ARHGAP15: variants seen among roughly 807,000 people sequenced by gnomAD.
ARHGAP15 encodes the protein Rho GTPase activating protein 15.
Under a neutral mutation model 63.7 loss-of-function variants are expected in ARHGAP15, and 51 were observed. That is an observed-to-expected ratio of 0.80 (90% CI 0.64 to 1.01). The LOEUF (loss-of-function observed/expected upper bound fraction) is 1.01, where lower values mean the gene tolerates loss of function less well. ARHGAP15 is among the 50% of genes least tolerant of loss of function. The pLI is 0.00. For missense variants in ARHGAP15, 560 were observed against 564.6 expected (o/e 0.99, Z 0.08); for synonymous variants, 191 against 193.8 (o/e 0.99, Z 0.12).
Position 143,252,285 on chromosome 2 carries a change from A to G in ARHGAP15, c.474+1685A>G, listed in dbSNP as rs180734160. Among the ~76,000 whole-genome samples the G allele has an allele frequency of 1.0e-3, 152 of 152,164 alleles. 1 individual carries two copies. Among genetic ancestry groups the G allele is most frequent in the Admixed American group, 9.8e-3 (150 of 15,274 alleles). On this transcript the variant is annotated intron_variant, in intron 6 of 13. Coordinates refer to ENST00000295095, the MANE Select transcript of ARHGAP15 (RefSeq NM_018460.4). ...ATTTTTATATAACTATGAACATTAT[A>G]TGCACAGATAGACATTTCAGCCACC...
At chr2:143,150,533 A>G (rs1463186376) in intron 1 of ARHGAP15, among the ~76,000 whole-genome samples, 7 of 152,138 alleles carry the variant, frequency 4.6e-5, no homozygotes, top group Admixed American at 2.0e-4. Context: ...CAATATCACA[A>G]GGTATTCTTG....
At position 143,652,629 on chromosome 2, in the gene ARHGAP15, T is replaced by G. The variant is rs1356286154; in HGVS notation, c.1138+28362T>G. Among the ~76,000 whole-genome samples, 3 of 152,104 alleles carry G rather than the reference T, an allele frequency of 2.0e-5. No individual in the cohort carries two copies. The East Asian group carries it at 5.8e-4, about 29-fold the overall frequency. ...TTTTTCACAACAGTGTTTTACAATT[T>G]TACACATACCTTTGGTCATATTTAT... is the stretch of plus-strand genomic sequence containing the variant. On this transcript the variant is annotated intron_variant, in intron 12 of 13. Transcript: ENST00000295095.
intron 12 of ARHGAP15, among the ~76,000 whole-genome samples, chr2:143,671,799 A>G (rs1682540513): frequency 6.6e-6 from 1 of 152,212 alleles, no homozygotes; most frequent in South Asian, 2.1e-4. Flanking sequence ...ACTGTCTCCT[A>G]ACACATTATT....
At chr2:143,323,668 G>A (rs368710292) in intron 6 of ARHGAP15, among the ~76,000 whole-genome samples, 6 of 151,974 alleles carry the variant, frequency 3.9e-5, no homozygotes, top group East Asian at 1.9e-4. Flanking sequence ...AGGCTGAGGC[G>A]GGTGGATCAT....
chr2:143,339,149 A>T (rs1684940664), intron 6 of ARHGAP15, among the ~76,000 whole-genome samples: 1 of 152,142 alleles, frequency 6.6e-6, no homozygotes, highest in Admixed American at 6.6e-5. Context: ...ATTAAAGAGC[A>T]GGAAAGGGCC....
intron 13 of ARHGAP15, among the ~76,000 whole-genome samples, chr2:143,722,265 G>A (rs1425251624): frequency 6.6e-6 from 1 of 151,878 alleles, no homozygotes; most frequent in Admixed American, 6.6e-5. Flanking sequence ...TAGACATGCT[G>A]CAAACATGTT....
intron 12 of ARHGAP15, among the ~76,000 whole-genome samples, chr2:143,632,612 C>T (rs1479830163): frequency 6.6e-6 from 1 of 152,110 alleles, no homozygotes; most frequent in African/African-American, 2.4e-5. Flanking sequence ...AGAGATTATC[C>T]TGTGCCTAAA....
intron 3 of ARHGAP15, among the ~76,000 whole-genome samples, chr2:143,215,311 G>T (rs35028264): frequency 0.17 from 26,343 of 152,030 alleles, 2,491 homozygotes; most frequent in Middle Eastern, 0.26. Context: ...TTGCTATTCT[G>T]CCCAGGCTGG....
chr2:143,462,516 A>G (rs890637980), intron 8 of ARHGAP15, among the ~76,000 whole-genome samples: 1 of 152,194 alleles, frequency 6.6e-6, no homozygotes, highest in Non-Finnish European at 1.5e-5. Flanking sequence ...ACATCTATTC[A>G]TTCAATAAGT....
intron 12 of ARHGAP15, among the ~76,000 whole-genome samples, chr2:143,625,492 T>TGC (rs1553514396): frequency 5.8e-4 from 84 of 144,394 alleles, no homozygotes; most frequent in Non-Finnish European, 1.0e-3. Context: ...GCTGCTGCTG[T>TGC]TGTTGAATGC....
chr2:143,268,710 T>C (rs1201445790), intron 6 of ARHGAP15, among the ~76,000 whole-genome samples: 1 of 152,150 alleles, frequency 6.6e-6, no homozygotes, highest in African/African-American at 2.4e-5. Context: ...GTTAGATCTA[T>C]GTATGAATAT....
chr2:143,586,907 C>CTCTCTCTT (rs1286679973), intron 11 of ARHGAP15, among the ~76,000 whole-genome samples: 1 of 151,998 alleles, frequency 6.6e-6, no homozygotes, highest in Non-Finnish European at 1.5e-5. Context: ...CAATCTCTCT[C>CTCTCTCTT]TCTCTCTTTC....
intron 8 of ARHGAP15, among the ~76,000 whole-genome samples, chr2:143,457,489 T>C (rs1024518985): frequency 6.6e-6 from 1 of 151,786 alleles, no homozygotes; most frequent in Non-Finnish European, 1.5e-5. Context: ...ATTATGCCAC[T>C]GCACTCCAGC....
chr2:143,329,681 T>A (rs189485485), intron 6 of ARHGAP15, among the ~76,000 whole-genome samples: 1 of 152,266 alleles, frequency 6.6e-6, no homozygotes, highest in African/African-American at 2.4e-5. Flanking sequence ...CACAGACAAC[T>A]AGTACGTAAA....
intron 1 of ARHGAP15, among the ~76,000 whole-genome samples, 177 bp from the exon 2 acceptor site, chr2:143,155,300 G>T (rs755707300): frequency 6.6e-6 from 1 of 151,832 alleles, no homozygotes; most frequent in Admixed American, 6.6e-5. Context: ...CACATGTAAA[G>T]GTCCCAACTG....
At chr2:143,490,234 C>T (rs1282772489) in intron 9 of ARHGAP15, among the ~76,000 whole-genome samples, 1 of 152,108 alleles carries the variant, frequency 6.6e-6, no homozygotes, top group African/African-American at 2.4e-5. Context: ...CTCCTGACCT[C>T]GTGATCCACC....
intron 12 of ARHGAP15, among the ~76,000 whole-genome samples, chr2:143,695,694 C>G (rs1236741174): frequency 1.3e-5 from 2 of 151,832 alleles, no homozygotes. Context: ...ACGGTGAAAC[C>G]CCACCTCTAC....
chr2:143,213,766 C>T (rs1348526694), intron 3 of ARHGAP15, among the ~76,000 whole-genome samples: 1 of 152,218 alleles, frequency 6.6e-6, no homozygotes, highest in African/African-American at 2.4e-5. Context: ...ACTTGCTATT[C>T]AGTCCGTCCT....
chr2:143,135,866 G>T (rs769765512), intron 1 of ARHGAP15, among the ~76,000 whole-genome samples: 1 of 151,924 alleles, frequency 6.6e-6, no homozygotes, highest in Non-Finnish European at 1.5e-5. Context: ...ATTCCTTTGC[G>T]GTTTTATTTA....
Sources: gnomAD v4.1 joint callset for allele counts (sites outside exome capture counted in the v4.1 genomes callset) on GRCh38, gnomAD v4.1.1 for gene constraint, MANE v1.5 for transcripts, NCBI Gene and HGNC (gene_info 2026-07-23, HGNC 2026-07-21) for gene names.